The following CHN1 variants were observed in gnomAD, a reference collection of about 807,000 sequenced individuals.
CHN1 encodes the protein N-chimaerin.
In CHN1, 37 loss-of-function variants were observed where a neutral mutation model predicts 59.5. That is an observed-to-expected ratio of 0.62 (90% CI 0.48 to 0.82). CHN1 has a LOEUF of 0.82. CHN1 is among the 40% of genes least tolerant of loss of function. CHN1 has a pLI of 0.00. For missense variants in CHN1, 469 were observed against 571.0 expected (o/e 0.82, Z 1.82); for synonymous variants, 206 against 200.4 (o/e 1.03, Z -0.24).
At chr2:174,985,705 G>A (rs997011363) in intron 1 of CHN1, among the ~76,000 whole-genome samples, 4 of 152,010 alleles carry the variant, frequency 2.6e-5, no homozygotes, top group Non-Finnish European at 2.9e-5. Flanking sequence ...CTCCTATACC[G>A]GAAATGAACA....
At chr2:174,889,352 T>C (rs1310069960) in intron 5 of CHN1, among the ~76,000 whole-genome samples, 1 of 151,976 alleles carries the variant, frequency 6.6e-6, no homozygotes, top group Non-Finnish European at 1.5e-5. Flanking sequence ...GCACAATCAA[T>C]GGAACAAAAT....
intron 8 of CHN1, among the ~76,000 whole-genome samples, chr2:174,823,262 A>T (rs1685561990): frequency 6.6e-6 from 1 of 152,244 alleles, no homozygotes; most frequent in East Asian, 1.9e-4. Context: ...AAAGACATGT[A>T]AGAAGATATT....
intron 12 of CHN1, among the ~76,000 whole-genome samples, chr2:174,801,039 T>C (rs1198086987): frequency 6.6e-6 from 1 of 152,244 alleles, no homozygotes; most frequent in Non-Finnish European, 1.5e-5. Context: ...ATTGGTTTTA[T>C]ACTTTGAAAA....
chr2:174,841,261 C>A (rs911254061), intron 7 of CHN1, among the ~76,000 whole-genome samples: 1 of 152,134 alleles, frequency 6.6e-6, no homozygotes, highest in African/African-American at 2.4e-5. Context: ...GCCAGCATGA[C>A]AAACCATAAG....
chr2:174,930,788 G>A (rs1391846818), intron 3 of CHN1, among the ~76,000 whole-genome samples: 3 of 149,918 alleles, frequency 2.0e-5, no homozygotes, highest in East Asian at 2.0e-4. Flanking sequence ...TTTTTGAGAC[G>A]GAGTCTCGCT....
intron 1 of CHN1, among the ~76,000 whole-genome samples, chr2:174,978,479 T>C (rs905893192): frequency 6.6e-6 from 1 of 152,184 alleles, no homozygotes; most frequent in African/African-American, 2.4e-5. Context: ...GGGCCCTGAG[T>C]GACTGCGTAG....
chr2:174,935,535 T>C (rs1689472464), intron 3 of CHN1, among the ~76,000 whole-genome samples: 1 of 152,226 alleles, frequency 6.6e-6, no homozygotes, highest in Admixed American at 6.5e-5. Context: ...TCAGCATACC[T>C]AGGTGCTGAA....
At chr2:174,943,413 G>A (rs1180058028) in intron 3 of CHN1, among the ~76,000 whole-genome samples, 1 of 152,050 alleles carries the variant, frequency 6.6e-6, no homozygotes, top group African/African-American at 2.4e-5. Flanking sequence ...TTTTAGTAGA[G>A]ACTGGGTTTC....
In CHN1 at chr2:174,801,638, C is replaced by T. The variant is rs1574030875; in HGVS notation, c.1208+69G>A. On this transcript the variant is annotated intron_variant, in intron 12 of 12. Transcript: ENST00000409900. The stretch of plus-strand genomic sequence containing the variant: ...AATAGATTATTTGTCCTTTCTTTCA[C>T]CCTTCATTTCATTTTGTCCTTAAAA... 8 of 1,068,964 alleles carry T rather than the reference C, an allele frequency of 7.5e-6. No homozygotes were observed. In the Admixed American group the frequency reaches 7.5e-5, roughly 10 times the overall value. The allele number at this position is 1,068,964 out of a possible 1,614,324, so 66.2% of individuals were successfully genotyped here. A position where few individuals can be genotyped will look rare whatever the true frequency, so the allele number is the denominator to read the frequency against.
chr2:174,800,154 C>T lies in CHN1; in HGVS notation c.1342G>A (p.Val448Met), dbSNP rs755106615. ...TCTTCGTTTTTGATAAGCAGCTCCA[C>T]CACCAGTCTCTGATACCGTATATCA... ...LNDIRYQRLVVELLIKNEDIL... is the reference protein window; with the variant it reads ...LNDIRYQRLVMELLIKNEDIL... Residue 448 changes from valine (V) to methionine (M), a missense_variant, in exon 13 of 13, where the codon GTG becomes ATG. Coordinates refer to ENST00000409900, the MANE Select transcript of CHN1 (RefSeq NM_001822.7). 1 of 1,564,216 alleles carries T rather than the reference C, an allele frequency of 6.4e-7. No homozygotes were observed. Among genetic ancestry groups the T allele is most frequent in the Admixed American group, 1.9e-5 (1 of 53,572 alleles).
intron 6 of CHN1, among the ~76,000 whole-genome samples, chr2:174,856,492 C>T (rs982354345): frequency 2.0e-5 from 3 of 152,132 alleles, no homozygotes; most frequent in African/African-American, 7.2e-5. Context: ...AATATTTAAA[C>T]ATAAGACATC....
rs986795342 is a variant in CHN1 at position 174,923,437 on chromosome 2, G to A, written c.115-4872C>T. Among the ~76,000 whole-genome samples, 19 of 152,180 alleles carry A rather than the reference G, an allele frequency of 1.2e-4. 1 individual carries two copies. Among genetic ancestry groups the A allele is most frequent in the Admixed American group, 3.3e-4 (5 of 15,278 alleles). On this transcript the variant is annotated intron_variant, in intron 3 of 12. Transcript: ENST00000409900. ...TTACAGGCGTGAGCCACTGCACCCAGCCAACAATATAAATTAAGATTAGCT... is the reference window on the plus strand; with the variant it reads ...TTACAGGCGTGAGCCACTGCACCCAACCAACAATATAAATTAAGATTAGCT...
rs548659380 is a variant in CHN1, at chr2:174,931,462, A to G, written c.115-12897T>C. 2.6e-5 allele frequency among the ~76,000 whole-genome samples: 4 copies of G among 152,224 alleles called. No homozygotes were observed. The South Asian group carries it at 8.3e-4, about 32-fold the overall frequency. On this transcript the variant is annotated intron_variant, in intron 3 of 12. Transcript: ENST00000409900. ...AATATGTCCTCTAAAAAGGACTAAG[A>G]ATAAAACAAGAACATTGTACCTCCC... is the stretch of plus-strand genomic sequence containing the variant.
intron 1 of CHN1, among the ~76,000 whole-genome samples, chr2:174,991,031 G>T (rs1378418938): frequency 6.6e-6 from 1 of 152,180 alleles, no homozygotes; most frequent in African/African-American, 2.4e-5. Flanking sequence ...ACCACTGACT[G>T]CATCTTTTAA....
chr2:174,912,665 G>C (rs1373479173), intron 5 of CHN1, among the ~76,000 whole-genome samples: 1 of 152,166 alleles, frequency 6.6e-6, no homozygotes, highest in African/African-American at 2.4e-5. Context: ...CAGTTGAAAT[G>C]GGAGTATCAG....
intron 8 of CHN1, among the ~76,000 whole-genome samples, chr2:174,823,082 A>G (rs1277143057): frequency 6.6e-6 from 1 of 152,230 alleles, no homozygotes; most frequent in Non-Finnish European, 1.5e-5. Flanking sequence ...CAATTTAGAA[A>G]TAAGAATCAG....
rs1398655215 is a variant in CHN1, at chr2:174,809,019, C to G, written c.988G>C (p.Val330Leu). The G allele has an allele frequency of 7.5e-6, 12 of 1,609,132 alleles. No individual in the cohort carries two copies. The highest frequency in any genetic ancestry group is 1.0e-5 in the Non-Finnish European group (12 of 1,177,932). The change falls in exon 11 of 13, where the codon GTG (valine) becomes CTG (leucine). Residue 330 changes from valine (V) to leucine (L), a missense_variant. Val to Leu is a conservative substitution (Grantham distance 32). Coordinates refer to ENST00000409900, the MANE Select transcript of CHN1 (RefSeq NM_001822.7). The part of the protein sequence containing the change: ...DRDGEKADIS[V>L]NMYEDINIIT... The stretch of plus-strand genomic sequence containing the variant: ...ATGTTGATATCTTCATACATGTTCA[C>G]AGAAATATCTGCCTTCTCACCATCT...
chr2:174,992,262 T>C (rs140962412), intron 1 of CHN1, among the ~76,000 whole-genome samples: 141 of 152,262 alleles, frequency 9.3e-4, no homozygotes, highest in African/African-American at 3.2e-3. Context: ...GAAGTGTCTA[T>C]AGGAAATCCA....
chr2:174,982,325 G>A (rs1691181502), intron 1 of CHN1, among the ~76,000 whole-genome samples: 1 of 152,130 alleles, frequency 6.6e-6, no homozygotes, highest in South Asian at 2.1e-4. Flanking sequence ...TAACAGGATG[G>A]CTGGGTCAAA....
Sources: gnomAD v4.1 joint callset for allele counts (sites outside exome capture counted in the v4.1 genomes callset) on GRCh38, gnomAD v4.1.1 for gene constraint, MANE v1.5 for transcripts, NCBI Gene and HGNC (gene_info 2026-07-23, HGNC 2026-07-21) for gene names.